CLIC5: variants seen among roughly 807,000 people sequenced by gnomAD.
CLIC5 encodes the protein CLIC family member 5.
A neutral mutation model predicts 24.7 loss-of-function variants in CLIC5; 20 were observed. The ratio of observed to expected loss-of-function variants is 0.81; its 90% CI spans 0.57 to 1.18. The LOEUF is 1.18. CLIC5 is among the 50% of genes most tolerant of loss of function. CLIC5 has a pLI of 0.00. For missense variants in CLIC5, 341 were observed against 326.1 expected, an observed-to-expected ratio of 1.05 and a Z score of -0.35; for synonymous variants, 159 against 135.6, an observed-to-expected ratio of 1.17 and a Z score of -1.20.
At chr6:46,015,946 C>G (rs9472663), upstream of CLIC5, 176,272 of 982,874 alleles carry the variant, frequency 0.18, 17,103 homozygotes, top group African/African-American at 0.38. Context: ...GACACCCCGG[C>G]AGCTCGGGCC....
At chr6:45,962,045 C>A (rs79731537) in intron 1 of CLIC5, among the ~76,000 whole-genome samples, 3,076 of 137,564 alleles carry the variant, frequency 0.022, 85 homozygotes, top group African/African-American at 0.078. Flanking sequence ...TTTATATATA[C>A]ATACACATAT....
At chr6:46,028,279 C>A (rs1480148331) in intron 1 of CLIC5, among the ~76,000 whole-genome samples, 1 of 152,186 alleles carries the variant, frequency 6.6e-6, no homozygotes, top group African/African-American at 2.4e-5. Context: ...TCCTTTCCAG[C>A]TGGTCATAGA....
At chr6:46,068,441 C>G (rs1413798580) in intron 1 of CLIC5, among the ~76,000 whole-genome samples, 2 of 152,100 alleles carry the variant, frequency 1.3e-5, no homozygotes, top group Admixed American at 1.3e-4. Context: ...TCCCTCCTTC[C>G]TTCATTCAAC....
chr6:46,005,817 A>G (rs774498897), intron 1 of CLIC5, among the ~76,000 whole-genome samples: 2 of 151,732 alleles, frequency 1.3e-5, no homozygotes, highest in Non-Finnish European at 2.9e-5. Context: ...GGTGACAGCT[A>G]TGAACCACAT....
At chr6:46,006,127 CATATATATATAT>C (rs58643121) in intron 1 of CLIC5, among the ~76,000 whole-genome samples, 15 of 35,148 alleles carry the variant, frequency 4.3e-4, no homozygotes, top group Admixed American at 5.6e-4. Flanking sequence ...TGTATAAATA[CATATATATATAT>C]ATATATATAT....
At chr6:45,916,482 T>G (rs752891733) in intron 4 of CLIC5, among the ~76,000 whole-genome samples, 2 of 152,210 alleles carry the variant, frequency 1.3e-5, no homozygotes, top group African/African-American at 2.4e-5. Flanking sequence ...AAATCTTGAT[T>G]ATAATGAAGA....
intron 1 of CLIC5, among the ~76,000 whole-genome samples, chr6:45,995,469 C>T (rs756103455): frequency 3.9e-5 from 6 of 152,276 alleles, no homozygotes; most frequent in South Asian, 2.1e-4. Context: ...ATCTGCTTTA[C>T]GCAGGCCTCC....
chr6:45,912,974 A>C (rs1762876141), intron 5 of CLIC5, among the ~76,000 whole-genome samples: 1 of 152,262 alleles, frequency 6.6e-6, no homozygotes, highest in African/African-American at 2.4e-5. Flanking sequence ...ACTTCAGCTC[A>C]AGCTGGTACA....
At chr6:46,055,686 C>G (rs1319048351) in intron 1 of CLIC5, among the ~76,000 whole-genome samples, 1 of 152,250 alleles carries the variant, frequency 6.6e-6, no homozygotes, top group Non-Finnish European at 1.5e-5. Context: ...CACCGCATCT[C>G]TCACACATGG....
intron 1 of CLIC5, among the ~76,000 whole-genome samples, chr6:46,045,003 C>A (rs946209589): frequency 6.6e-6 from 1 of 152,090 alleles, no homozygotes; most frequent in Non-Finnish European, 1.5e-5. Context: ...AGCATGCTTG[C>A]CATAAATAAA....
chr6:46,051,150 A>AGCCCTT (rs1264826833), intron 1 of CLIC5, among the ~76,000 whole-genome samples: 1 of 151,976 alleles, frequency 6.6e-6, no homozygotes, highest in African/African-American at 2.4e-5. Context: ...GTTTACTGTC[A>AGCCCTT]CTCTTTCCTC....
downstream of CLIC5, among the ~76,000 whole-genome samples, chr6:45,895,239 G>A (rs1762383450): frequency 1.3e-5 from 2 of 152,098 alleles, no homozygotes; most frequent in South Asian, 2.1e-4. Flanking sequence ...TAGGATTATA[G>A]CACCCAGAAT....
At chr6:45,957,887 C>A (rs1429746381) in intron 1 of CLIC5, among the ~76,000 whole-genome samples, 1 of 152,106 alleles carries the variant, frequency 6.6e-6, no homozygotes, top group Non-Finnish European at 1.5e-5. Context: ...CCAGGTGGGG[C>A]TCAGTTGGGC....
intron 1 of CLIC5, among the ~76,000 whole-genome samples, chr6:46,049,075 G>A (rs1319743223): frequency 1.3e-5 from 2 of 152,230 alleles, no homozygotes; most frequent in Admixed American, 1.3e-4. Context: ...GGGTAAGGCA[G>A]ATTTGGGAAA....
chr6:45,880,938 A>T (rs1762257548), downstream of CLIC5: 2 of 390,408 alleles, frequency 5.1e-6, no homozygotes, highest in Non-Finnish European at 9.0e-6. Context: ...CTAGACATGA[A>T]CTGCTAGCTT....
At chr6:45,919,665 G>A (rs983862843) in intron 4 of CLIC5, among the ~76,000 whole-genome samples, 1 of 152,228 alleles carries the variant, frequency 6.6e-6, no homozygotes, top group Non-Finnish European at 1.5e-5. Flanking sequence ...CCTCCAGGCA[G>A]GGTTTTTGAT....
chr6:45,962,203 T>C (rs1764869588), intron 1 of CLIC5, among the ~76,000 whole-genome samples: 1 of 150,100 alleles, frequency 6.7e-6, no homozygotes, highest in African/African-American at 2.4e-5. Flanking sequence ...TATATACACA[T>C]ATATATAATA....
intron 1 of CLIC5, among the ~76,000 whole-genome samples, chr6:45,998,843 C>T (rs117876442): frequency 6.6e-6 from 1 of 152,206 alleles, no homozygotes; most frequent in Admixed American, 6.5e-5. Flanking sequence ...CAGCTCACAC[C>T]TGTTTTTGTA....
intron 1 of CLIC5, among the ~76,000 whole-genome samples, chr6:45,960,223 C>T (rs1236024519): frequency 6.6e-6 from 1 of 152,118 alleles, no homozygotes; most frequent in Non-Finnish European, 1.5e-5. Flanking sequence ...CCAAAAGTCA[C>T]TCGCGGGTAC....
Sources: allele counts gnomAD v4.1 joint callset (sites outside exome capture counted in the v4.1 genomes callset), GRCh38; gene constraint gnomAD v4.1.1; transcripts MANE v1.5; gene names NCBI Gene and HGNC (gene_info 2026-07-23, HGNC 2026-07-21).